Variants in ZSWIM6 observed in about 807,000 individuals in gnomAD.
ZSWIM6 encodes zinc finger SWIM domain-containing protein 6.
ZSWIM6 carries 9 observed loss-of-function variants against 113.2 expected under a neutral mutation model. The ratio of observed to expected loss-of-function variants is 0.08; its 90% CI spans 0.05 to 0.14. The LOEUF is 0.14. Ranked by LOEUF, ZSWIM6 falls within the 10% of genes least tolerant of loss-of-function variation. The pLI, the probability that ZSWIM6 is intolerant of heterozygous loss-of-function variation, is 1.00. For missense variants in ZSWIM6, 1,162 were observed against 1,552.2 expected (o/e 0.75, Z 4.22); for synonymous variants, 611 against 606.5 (o/e 1.01, Z -0.11).
Position 61,539,692 on chromosome 5 carries a change from T to C in ZSWIM6, c.2636T>C (p.Ile879Thr), listed in dbSNP as rs1443947694. ...IFKLAQDAFK[I>T]ATLMDSLPDI... ...AAGCTTGCCCAAGATGCATTTAAAA[T>C]AGCAACTCTCATGGACAGTTTGCCA... The change falls in exon 12 of 14, where the codon ATA (isoleucine) becomes ACA (threonine). Residue 879 changes from isoleucine (I) to threonine (T), a missense_variant. Physicochemically the swap from Ile to Thr is moderately conservative, Grantham distance 89 (BLOSUM62 -1). Around this residue, in one of 4 missense-constraint regions of ZSWIM6, gnomAD observed 620 missense variants for 804.6 expected, o/e 0.77. Coordinates refer to ENST00000252744, the MANE Select transcript of ZSWIM6 (RefSeq NM_020928.2). The C allele has an allele frequency of 6.4e-7, 1 of 1,551,778 alleles. No homozygotes were observed. Among genetic ancestry groups the C allele is most frequent in the East Asian group, 2.4e-5 (1 of 40,936 alleles).
At chr5:61,512,374 C>T (rs1748812763) in intron 4 of ZSWIM6, among the ~76,000 whole-genome samples, 1 of 152,122 alleles carries the variant, frequency 6.6e-6, no homozygotes, top group Admixed American at 6.6e-5. Context: ...AGTTGAAGGA[C>T]ATCTAGATTG....
intron 2 of ZSWIM6, among the ~76,000 whole-genome samples, chr5:61,482,147 G>C (rs1251375421): frequency 6.6e-6 from 1 of 152,180 alleles, no homozygotes; most frequent in African/African-American, 2.4e-5. Context: ...TTAACAAGTA[G>C]ACATAAATTT....
chr5:61,334,849 A>G (rs976712644), intron 1 of ZSWIM6, among the ~76,000 whole-genome samples: 2 of 149,790 alleles, frequency 1.3e-5, no homozygotes, highest in Non-Finnish European at 3.0e-5. Context: ...AGTATAACAA[A>G]CTAGAGTCTG....
intron 1 of ZSWIM6, among the ~76,000 whole-genome samples, chr5:61,366,102 C>G (rs925242899): frequency 1.3e-5 from 2 of 152,136 alleles, no homozygotes; most frequent in African/African-American, 2.4e-5. Context: ...ACCATGTTGC[C>G]CAGTCTGGTT....
chr5:61,332,682 C>A lies in ZSWIM6; in HGVS notation c.410C>A (p.Pro137His). 9.3e-7 allele frequency: 1 copy of A among 1,075,330 alleles called. No individual in the cohort carries two copies. The highest frequency in any genetic ancestry group is 3.8e-5 in the Admixed American group (1 of 26,022). 66.6% of individuals were successfully genotyped at this position (1,075,330 alleles called of 1,614,324 possible). ...FNTGGGAAGG[P>H]GDDSGGGGGA... ...ACCGGCGGCGGCGCCGCGGGCGGCC[C>A]CGGCGACGACAGCGGTGGCGGCGGC... The change falls in exon 1 of 14, where the codon CCC becomes CAC. Residue 137 changes from proline (P) to histidine (H), a missense_variant. Physicochemically the swap from Pro to His is moderately conservative, Grantham distance 77 (BLOSUM62 -2). Coordinates refer to ENST00000252744, the MANE Select transcript of ZSWIM6 (RefSeq NM_020928.2).
intron 4 of ZSWIM6, among the ~76,000 whole-genome samples, chr5:61,506,199 C>T (rs779380338): frequency 3.2e-4 from 48 of 152,076 alleles, no homozygotes; most frequent in Non-Finnish European, 7.4e-5. Context: ...GCTGTATTCC[C>T]GAGGTTTTAT....
At chr5:61,521,010 C>T (rs2112260712) in intron 4 of ZSWIM6, among the ~76,000 whole-genome samples, 1 of 151,884 alleles carries the variant, frequency 6.6e-6, no homozygotes, top group South Asian at 2.1e-4. Context: ...CTATTGTCCT[C>T]CTTTCAATAA....
At chr5:61,518,137 C>A (rs1180062625) in intron 4 of ZSWIM6, among the ~76,000 whole-genome samples, 1 of 151,954 alleles carries the variant, frequency 6.6e-6, no homozygotes, top group South Asian at 2.1e-4. Context: ...TTTATGGCTG[C>A]ATAGTATTCC....
chr5:61,389,844 A>G (rs1579970184), intron 1 of ZSWIM6, among the ~76,000 whole-genome samples: 1 of 152,212 alleles, frequency 6.6e-6, no homozygotes. Context: ...TTTCTTAGCC[A>G]TGTGCTGTAT....
At chr5:61,505,498 A>G (rs1169563197) in intron 4 of ZSWIM6, among the ~76,000 whole-genome samples, 1 of 152,138 alleles carries the variant, frequency 6.6e-6, no homozygotes, top group Non-Finnish European at 1.5e-5. Flanking sequence ...GCACCAACAA[A>G]TCAAATGGAA....
intron 1 of ZSWIM6, among the ~76,000 whole-genome samples, chr5:61,341,441 TG>T (rs1235110688): frequency 3.9e-5 from 6 of 152,218 alleles, no homozygotes; most frequent in African/African-American, 1.4e-4. Context: ...AGAAGTTTGG[TG>T]ATGTTTTTGT....
chr5:61,543,442 G>T lies in ZSWIM6; in HGVS notation c.2786-13G>T. The T allele has an allele frequency of 6.5e-7, 1 of 1,542,424 alleles. No homozygotes were observed. The stretch of plus-strand genomic sequence containing the variant: ...TCCTCGTCAGTAATAGAGCCTGTTT[G>T]TGTTCCTTGCAGGGGTTTATGCCCT... On this transcript the variant is annotated splice_polypyrimidine_tract_variant and intron_variant, in intron 13 of 13. Coordinates refer to ENST00000252744, the MANE Select transcript of ZSWIM6 (RefSeq NM_020928.2). This position sits in a 1 kb window ranked among gnomAD's most constrained non-coding sequence, Gnocchi z 4.3.
chr5:61,446,986 C>G (rs967878608), intron 1 of ZSWIM6, among the ~76,000 whole-genome samples: 16 of 152,112 alleles, frequency 1.1e-4, no homozygotes, highest in Non-Finnish European at 1.9e-4. Flanking sequence ...CCTGTGAAGG[C>G]TATAAACCAA....
intron 4 of ZSWIM6, among the ~76,000 whole-genome samples, chr5:61,499,339 T>C (rs1319506087): frequency 6.6e-6 from 1 of 151,312 alleles, no homozygotes; most frequent in East Asian, 1.9e-4. Flanking sequence ...GTTAACCTTC[T>C]TTCCAGAAGT....
chr5:61,335,548 A>T (rs1744373974), intron 1 of ZSWIM6, among the ~76,000 whole-genome samples: 1 of 152,254 alleles, frequency 6.6e-6, no homozygotes, highest in Non-Finnish European at 1.5e-5. Context: ...GGCTTATTTT[A>T]TAATTTTGAT....
chr5:61,447,625 A>G (rs997398656), intron 1 of ZSWIM6, among the ~76,000 whole-genome samples: 1 of 152,212 alleles, frequency 6.6e-6, no homozygotes, highest in Non-Finnish European at 1.5e-5. Context: ...AGGGTCAGGC[A>G]GTTTCTTAGG....
chr5:61,463,483 G>T (rs996027879), intron 1 of ZSWIM6, among the ~76,000 whole-genome samples: 3 of 152,174 alleles, frequency 2.0e-5, no homozygotes, highest in Non-Finnish European at 4.4e-5. Context: ...CATCACCTGG[G>T]TTAAACCAGA....
rs147174854 is a variant in ZSWIM6, at chr5:61,510,072, T to G, written c.1334-11191T>G. ...GAAATTATCGTTCCTATTAGTTAAA[T>G]GAGGGAACTGCCACCACCGAGAGCC... On this transcript the variant is annotated intron_variant, in intron 4 of 13. Coordinates refer to ENST00000252744, the MANE Select transcript of ZSWIM6 (RefSeq NM_020928.2). 1.6e-4 allele frequency among the ~76,000 whole-genome samples: 24 copies of G among 151,974 alleles called. No homozygotes were observed. In the East Asian group the frequency reaches 4.7e-3, roughly 30 times the overall value.
At chr5:61,405,127 G>A (rs1454584986) in intron 1 of ZSWIM6, among the ~76,000 whole-genome samples, 1 of 152,208 alleles carries the variant, frequency 6.6e-6, no homozygotes, top group South Asian at 2.1e-4. Context: ...TGTTGTAGAG[G>A]TTAGTTGCTA....
Sources: allele counts gnomAD v4.1 joint callset (sites outside exome capture counted in the v4.1 genomes callset), GRCh38; gene constraint gnomAD v4.1.1; regional missense constraint gnomAD v4.1.1; non-coding constraint Gnocchi (gnomAD v3.1); transcripts MANE v1.5; gene names NCBI Gene and HGNC (gene_info 2026-07-23, HGNC 2026-07-21).